Variants in PRSS57 observed in about 807,000 individuals in gnomAD.
PRSS57 encodes the protein serine protease 57.
In PRSS57, 19 loss-of-function variants were observed where a neutral mutation model predicts 20.6. That is an observed-to-expected ratio of 0.92 (90% CI 0.64 to 1.35). PRSS57 has a LOEUF of 1.35. Among genes scored for constraint, PRSS57 ranks in the 40% most tolerant of loss-of-function variants. PRSS57 has a pLI of 0.00. For synonymous variants in PRSS57, 203 were observed against 176.6 expected (o/e 1.15, Z -1.19); for missense variants, 440 against 403.7 (o/e 1.09, Z -0.77).
At chr19:695,126 C>A (rs953761530) in intron 1 of PRSS57, among the ~76,000 whole-genome samples, 159 bp from the exon 2 acceptor site, 1 of 152,114 alleles carries the variant, frequency 6.6e-6, no homozygotes, top group African/African-American at 2.4e-5. Flanking sequence ...GACAAGCCCC[C>A]CAGATGCGCT....
chr19:690,517 C>A (rs2144813007), intron 3 of PRSS57: 2 of 237,012 alleles, frequency 8.4e-6, no homozygotes, highest in South Asian at 1.0e-4. Context: ...GCCGCCTGGT[C>A]AAGGACATAA....
intron 3 of PRSS57, among the ~76,000 whole-genome samples, chr19:691,562 G>C (rs2031646915): frequency 6.6e-6 from 1 of 151,298 alleles, no homozygotes; most frequent in African/African-American, 2.4e-5. Flanking sequence ...GCTCACGCTT[G>C]TAATCCCAGC....
rs763479023 is a variant in PRSS57 at position 687,117 on chromosome 19, G to A, written c.450C>T (p.Pro150=). The A allele has an allele frequency of 3.1e-6, 5 of 1,611,672 alleles. No individual in the cohort carries two copies. Among genetic ancestry groups the A allele is most frequent in the Admixed American group, 1.7e-5 (1 of 59,796 alleles). The stretch of plus-strand genomic sequence containing the variant: ...CCACCCGGCACCGTGTCCCCGCTGT[G>A]GGGGGCCTGGCCCTTCTCCCTGGCG... ...LRPPGRRARP[P]TAGTRCRVAG... Residue 150 remains proline (P), a synonymous_variant, in exon 4 of 5, where the codon CCC becomes CCT. Transcript: ENST00000329267.
chr19:695,436 A>G lies in PRSS57; in HGVS notation c.-6T>C. Reference sequence around the variant, plus strand: ...CCCCTCAACCCGAGCCCCATGGCAGACGCAGGCTGGCGTCTCCCCGCAGAG... The same window carrying G: ...CCCCTCAACCCGAGCCCCATGGCAGGCGCAGGCTGGCGTCTCCCCGCAGAG... On this transcript the variant is annotated 5_prime_UTR_variant, in exon 1 of 5. Transcript: ENST00000329267. The G allele has an allele frequency of 8.0e-7, 1 of 1,256,518 alleles. No homozygotes were observed. The highest frequency in any genetic ancestry group is 2.3e-4 in the Middle Eastern group (1 of 4,440). 77.8% of individuals were successfully genotyped at this position (1,256,518 alleles called of 1,614,324 possible). A position where few individuals can be genotyped will look rare whatever the true frequency, so the allele number is the denominator to read the frequency against.
chr19:690,986 G>A, intron 3 of PRSS57: 1 of 422,114 alleles, frequency 2.4e-6, no homozygotes, highest in South Asian at 2.2e-5. Context: ...ACCTTAGCCA[G>A]GGGCTGCACT....
At chr19:691,138 C>T (rs72978228) in intron 3 of PRSS57, 4,425 of 214,268 alleles carry the variant, frequency 0.021, 102 homozygotes, top group Non-Finnish European at 0.025. Flanking sequence ...CCAGAGTCTC[C>T]GTGCAGACGC....
In PRSS57 at chr19:685,614, C is replaced by G. The variant is rs185839972; in HGVS notation, c.*102G>C. 2.5e-6 allele frequency: 3 copies of G among 1,181,646 alleles called. No individual in the cohort carries two copies. The highest frequency in any genetic ancestry group is 2.3e-6 in the Non-Finnish European group (2 of 858,446). The allele number at this position is 1,181,646 out of a possible 1,614,324, so 73.2% of individuals were successfully genotyped here. ...GGAATGGGTGTGCCCCACCGCTGCC[C>G]GTCCCACCCCAACCCTGAACATCAG... On this transcript the variant is annotated 3_prime_UTR_variant, in exon 5 of 5. Transcript: ENST00000329267.
chr19:694,615 C>T (rs567743989), intron 2 of PRSS57, among the ~76,000 whole-genome samples, 199 bp downstream of exon 2: 1 of 148,710 alleles, frequency 6.7e-6, no homozygotes, highest in East Asian at 2.0e-4. Flanking sequence ...GTACTTGTTG[C>T]GCCTGTTGCT....
chr19:685,662 G>T lies in PRSS57; in HGVS notation c.*54C>A. 1.4e-6 allele frequency: 2 copies of T among 1,452,224 alleles called. No individual in the cohort carries two copies. Among genetic ancestry groups the T allele is most frequent in the Non-Finnish European group, 1.8e-6 (2 of 1,086,728 alleles). 90.0% of individuals were successfully genotyped at this position (1,452,224 alleles called of 1,614,324 possible). A position where few individuals can be genotyped will look rare whatever the true frequency, so the allele number is the denominator to read the frequency against. ...CAGGCTTCCCGTGGGGCCCAGCCAC[G>T]GAACATTCCAGGCCTGGAGCGGCCA... is the stretch of plus-strand genomic sequence containing the variant. On this transcript the variant is annotated 3_prime_UTR_variant, in exon 5 of 5. Transcript: ENST00000329267.
At chr19:688,582 C>T (rs1019047538) in intron 3 of PRSS57, among the ~76,000 whole-genome samples, 9 of 144,890 alleles carry the variant, frequency 6.2e-5, no homozygotes, top group Admixed American at 2.8e-4. Flanking sequence ...GCTTCCCACC[C>T]GGAGGACTCC....
chr19:685,940 G>A lies in PRSS57; in HGVS notation c.643-18C>T. ...GAGTCGGCCTGGAGTGAAAGGAGAGGTGAGGTCAGGGCCTCTGGGAGCTGC... is the reference window on the plus strand; with the variant it reads ...GAGTCGGCCTGGAGTGAAAGGAGAGATGAGGTCAGGGCCTCTGGGAGCTGC... On this transcript the variant is annotated intron_variant, in intron 4 of 4. Transcript: ENST00000329267. 6.6e-7 allele frequency: 1 copy of A among 1,526,370 alleles called. No homozygotes were observed. The highest frequency in any genetic ancestry group is 8.8e-7 in the Non-Finnish European group (1 of 1,130,976). 94.6% of individuals were successfully genotyped at this position (1,526,370 alleles called of 1,614,324 possible). A position where few individuals can be genotyped will look rare whatever the true frequency, so the allele number is the denominator to read the frequency against.
In PRSS57 at chr19:689,776, T is replaced by G. The variant is rs1411099686; in HGVS notation, c.378+2082A>C. ...TCTACTAAAAATATAAAAATTCGCC[T>G]GGCGCAGTGGTACACGCCCGTGATC... On this transcript the variant is annotated intron_variant, in intron 3 of 4. Coordinates refer to ENST00000329267, the MANE Select transcript of PRSS57 (RefSeq NM_001308209.2). Among the ~76,000 whole-genome samples the G allele has an allele frequency of 2.0e-5, 3 of 151,764 alleles. No individual in the cohort carries two copies. In the East Asian group the frequency reaches 5.8e-4, roughly 29 times the overall value.
chr19:690,073 GA>G (rs2031598667), intron 3 of PRSS57, among the ~76,000 whole-genome samples: 1 of 136,738 alleles, frequency 7.3e-6, no homozygotes, highest in East Asian at 2.4e-4. Context: ...CCAGGATTGG[GA>G]GGCAGAGGTG....
Position 695,426 on chromosome 19 carries a change from C to T in PRSS57, c.5G>A (p.Gly2Glu), listed in dbSNP as rs1255357665. The change falls in exon 1 of 5, where the codon GGG (glycine) becomes GAG (glutamate). Residue 2 changes from glycine to glutamate, a missense_variant. Gly to Glu is a moderately conservative substitution (Grantham distance 98, BLOSUM62 -2). Transcript: ENST00000329267. ...ACGTCCCCAGCCCCTCAACCCGAGC[C>T]CCATGGCAGACGCAGGCTGGCGTCT... M[G>E]LGLRGWGRPL... 2 of 1,263,824 alleles carry T rather than the reference C, an allele frequency of 1.6e-6. No homozygotes were observed. Among genetic ancestry groups the T allele is most frequent in the South Asian group, 3.9e-5 (1 of 25,876 alleles). The allele number at this position is 1,263,824 out of a possible 1,614,324, so 78.3% of individuals were successfully genotyped here. A position where few individuals can be genotyped will look rare whatever the true frequency, so the allele number is the denominator to read the frequency against.
chr19:690,891 T>C, intron 3 of PRSS57: 2 of 398,666 alleles, frequency 5.0e-6, no homozygotes, highest in South Asian at 4.6e-5. Flanking sequence ...CTGGTGTGCC[T>C]GATCCCCGTG....
At chr19:692,427 C>CTTTTTTCTT (rs575817341) in intron 2 of PRSS57, among the ~76,000 whole-genome samples, 28 of 98,834 alleles carry the variant, frequency 2.8e-4, no homozygotes, top group Non-Finnish European at 4.1e-4. Flanking sequence ...TTCCTTTTTT[C>CTTTTTTCTT]TTTTTTTTTT....
chr19:694,928 G>A lies in PRSS57; in HGVS notation c.119C>T (p.Thr40Ile), dbSNP rs757895881. The change falls in exon 2 of 5, where the codon ACC becomes ATC. Residue 40 changes from threonine to isoleucine, a missense_variant. Thr to Ile is a moderately conservative substitution (Grantham distance 89, BLOSUM62 -1). Coordinates refer to ENST00000329267, the MANE Select transcript of PRSS57 (RefSeq NM_001308209.2). ...TGCCATGTAGGGCCTGGAGTGGGGG[G>A]TCACCTCGTGGCCCCCGATGATCTG... The part of the protein sequence containing the change: ...GAQIIGGHEV[T>I]PHSRPYMASV... 1.4e-4 allele frequency: 223 copies of A among 1,584,832 alleles called. No homozygotes were observed. Among genetic ancestry groups the A allele is most frequent in the Non-Finnish European group, 1.8e-4 (211 of 1,165,452 alleles).
chr19:692,900 G>T (rs1354461984), intron 2 of PRSS57, among the ~76,000 whole-genome samples: 2 of 151,392 alleles, frequency 1.3e-5, no homozygotes, highest in East Asian at 3.9e-4. Context: ...ATTAACTACA[G>T]TAATTTCAAT....
chr19:694,807 A>G lies in PRSS57; in HGVS notation c.233+7T>C, dbSNP rs541061754. Reference sequence around the variant, plus strand: ...CCAGAAAGAAGGGGCCCGACAGGTGAGCTCACCTGTGGCTGAAGCAGTGGG... The same window carrying G: ...CCAGAAAGAAGGGGCCCGACAGGTGGGCTCACCTGTGGCTGAAGCAGTGGG... On this transcript the variant is annotated splice_region_variant and intron_variant, in intron 2 of 4. Coordinates refer to ENST00000329267, the MANE Select transcript of PRSS57 (RefSeq NM_001308209.2). 2.3e-4 allele frequency: 372 copies of G among 1,603,612 alleles called. 5 individuals carry two copies. The South Asian group carries it at 3.9e-3, about 17-fold the overall frequency.
Sources: gnomAD v4.1 joint callset for allele counts (sites outside exome capture counted in the v4.1 genomes callset) on GRCh38, gnomAD v4.1.1 for gene constraint, MANE v1.5 for transcripts, NCBI Gene and HGNC (gene_info 2026-07-23, HGNC 2026-07-21) for gene names.